Variants in CLEC16A observed in about 807,000 individuals in gnomAD.
CLEC16A encodes the protein protein CLEC16A.
CLEC16A carries 51 observed loss-of-function variants against 109.5 expected under a neutral mutation model. That is an observed-to-expected ratio of 0.47 (90% confidence interval 0.37 to 0.59). The LOEUF is 0.59. CLEC16A is among the 20% of genes least tolerant of loss of function. CLEC16A has a pLI of 0.00. For synonymous variants in CLEC16A, 673 were observed against 564.2 expected (o/e 1.19, Z -2.73); for missense variants, 1,339 against 1,394.0 (o/e 0.96, Z 0.63).
At chr16:11,060,767 C>T in intron 18 of CLEC16A, 135 bp from the exon 19 acceptor site, 1 of 882,762 alleles carries the variant, frequency 1.1e-6, no homozygotes, top group Non-Finnish European at 1.6e-6. Flanking sequence ...AGAATCAAAA[C>T]ACCCGAAGAG....
chr16:11,051,326 C>T (rs2047928314), intron 17 of CLEC16A, among the ~76,000 whole-genome samples, 187 bp from the exon 18 acceptor site: 2 of 152,298 alleles, frequency 1.3e-5, no homozygotes, highest in African/African-American at 4.8e-5. Context: ...TTTAGAAAAC[C>T]AAAAGGCATA....
At chr16:11,061,453 A>G (rs1459379376) in intron 19 of CLEC16A, among the ~76,000 whole-genome samples, 1 of 152,226 alleles carries the variant, frequency 6.6e-6, no homozygotes, top group Non-Finnish European at 1.5e-5. Flanking sequence ...TTAGGTAAGG[A>G]TGAAGGCTTT....
At chr16:11,085,540 G>T (rs943489801) in intron 19 of CLEC16A, among the ~76,000 whole-genome samples, 6 of 152,236 alleles carry the variant, frequency 3.9e-5, no homozygotes, top group African/African-American at 1.4e-4. Flanking sequence ...TAACATAGGA[G>T]GATTTGGTGA....
At chr16:11,075,359 A>G (rs2049290201) in intron 19 of CLEC16A, among the ~76,000 whole-genome samples, 1 of 147,038 alleles carries the variant, frequency 6.8e-6, no homozygotes, top group African/African-American at 2.5e-5. Flanking sequence ...CCAGCCCAGC[A>G]CTGTGACCTT....
intron 10 of CLEC16A, among the ~76,000 whole-genome samples, chr16:11,002,315 C>T (rs1475301011): frequency 6.6e-6 from 1 of 152,196 alleles, no homozygotes; most frequent in African/African-American, 2.4e-5. Context: ...CTTACACAAA[C>T]AGCTAATATT....
rs200993240 is a variant in CLEC16A, at chr16:11,123,759, C to T, written c.2286C>T (p.Gly762=). ...CTGTGCAGGACATGCAGGTGACTGG[C>T]GTGGAGGACGACAGCCGTGCCCTGA... ...AGLLQDMQVT[G]VEDDSRALNI... Residue 762 remains glycine, a synonymous_variant, in exon 21 of 24, where the codon GGC becomes GGT. Transcript: ENST00000409790. The T allele has an allele frequency of 3.2e-5, 51 of 1,613,906 alleles. No individual in the cohort carries two copies. Among genetic ancestry groups the T allele is most frequent in the East Asian group, 4.5e-5 (2 of 44,906 alleles).
At chr16:11,094,931 G>C (rs936986839) in intron 19 of CLEC16A, among the ~76,000 whole-genome samples, 2 of 152,144 alleles carry the variant, frequency 1.3e-5, no homozygotes, top group Non-Finnish European at 2.9e-5. Flanking sequence ...GATGATCCCC[G>C]ATAAAGCACT....
At chr16:11,005,581 A>G (rs529703815) in intron 11 of CLEC16A, among the ~76,000 whole-genome samples, 1 of 152,308 alleles carries the variant, frequency 6.6e-6, no homozygotes, top group Admixed American at 6.5e-5. Flanking sequence ...ATAAATACAT[A>G]CAACTTTCAT....
Position 11,042,342 on chromosome 16 carries a change from C to T in CLEC16A, c.1749C>T (p.Asp583=), listed in dbSNP as rs370593746. ...VLMSAGCIMK[D]VHLACLEGAR... ...TGAGTGCTGGCTGCATCATGAAGGA[C>T]GTGCACCTGGCCTGCCTGGAGGTAA... The change falls in exon 15 of 24, where the codon GAC becomes GAT. Residue 583 remains aspartate (D), a synonymous_variant. Transcript: ENST00000409790. 5 of 1,588,800 alleles carry T rather than the reference C, an allele frequency of 3.1e-6. No individual in the cohort carries two copies. The highest frequency in any genetic ancestry group is 1.3e-5 in the African/African-American group (1 of 74,380).
At chr16:10,945,058 G>A (rs968685905) in intron 1 of CLEC16A, among the ~76,000 whole-genome samples, 3 of 152,196 alleles carry the variant, frequency 2.0e-5, no homozygotes, top group Non-Finnish European at 4.4e-5. Context: ...GAGAGGATGC[G>A]ATTTCAGTTT....
rs897796278 is a variant in CLEC16A at position 10,969,068 on chromosome 16, T to G, written c.344-93T>G. ...AATCCCAGCAACCCAGAGGCTTACCTGATTCAAGTACATTAACGTGGTCAT... is the reference window on the plus strand; with the variant it reads ...AATCCCAGCAACCCAGAGGCTTACCGGATTCAAGTACATTAACGTGGTCAT... On this transcript the variant is annotated intron_variant, in intron 3 of 23. Coordinates refer to ENST00000409790, the MANE Select transcript of CLEC16A (RefSeq NM_015226.3). 3.8e-6 allele frequency: 4 copies of G among 1,049,304 alleles called. No homozygotes were observed. In the Admixed American group the frequency reaches 9.8e-5, roughly 26 times the overall value. 65.0% of individuals were successfully genotyped at this position (1,049,304 alleles called of 1,614,324 possible).
At chr16:11,001,981 G>T (rs1323942939) in intron 10 of CLEC16A, among the ~76,000 whole-genome samples, 2 of 152,166 alleles carry the variant, frequency 1.3e-5, no homozygotes, top group Non-Finnish European at 2.9e-5. Context: ...GCACGCTAGT[G>T]TTCCATTGCC....
chr16:11,026,496 A>G (rs1351733835), intron 13 of CLEC16A, among the ~76,000 whole-genome samples: 1 of 152,018 alleles, frequency 6.6e-6, no homozygotes, highest in Non-Finnish European at 1.5e-5. Flanking sequence ...ATCTGTAGTG[A>G]TGTTCCCTCT....
intron 10 of CLEC16A, among the ~76,000 whole-genome samples, chr16:10,984,701 C>G (rs12325659): frequency 0.017 from 2,581 of 152,296 alleles, 67 homozygotes; most frequent in African/African-American, 0.058. Context: ...TTATGGGGCC[C>G]TAGATATTTC....
At chr16:11,103,088 G>T (rs1007401268) in intron 19 of CLEC16A, among the ~76,000 whole-genome samples, 1 of 152,230 alleles carries the variant, frequency 6.6e-6, no homozygotes, top group African/African-American at 2.4e-5. Flanking sequence ...AATGCTCCCC[G>T]GACCTTCTGG....
chr16:11,082,507 G>C (rs1056978758), intron 19 of CLEC16A, among the ~76,000 whole-genome samples: 1 of 152,204 alleles, frequency 6.6e-6, no homozygotes, highest in Non-Finnish European at 1.5e-5. Flanking sequence ...GGGGCTACAG[G>C]TAAGACTTGA....
At chr16:10,977,518 T>C in intron 8 of CLEC16A, 119 bp downstream of exon 8, 1 of 964,146 alleles carries the variant, frequency 1.0e-6, no homozygotes, top group Non-Finnish European at 1.5e-6. Flanking sequence ...TTTTTTTTGT[T>C]TGTTTGTTTT....
intron 11 of CLEC16A, among the ~76,000 whole-genome samples, chr16:11,003,677 G>C (rs1376927618): frequency 6.6e-6 from 1 of 152,168 alleles, no homozygotes; most frequent in East Asian, 1.9e-4. Flanking sequence ...TGCTGCAAAG[G>C]CTTCGATGCT....
intron 10 of CLEC16A, among the ~76,000 whole-genome samples, chr16:10,993,071 G>T (rs1345729939): frequency 6.6e-6 from 1 of 152,094 alleles, no homozygotes; most frequent in African/African-American, 2.4e-5. Context: ...TGGGTTGGTG[G>T]AAGAGAGGGA....
Sources: allele counts gnomAD v4.1 joint callset (sites outside exome capture counted in the v4.1 genomes callset), GRCh38; gene constraint gnomAD v4.1.1; transcripts MANE v1.5; gene names NCBI Gene and HGNC (gene_info 2026-07-23, HGNC 2026-07-21).